CRX: variants seen among roughly 807,000 people sequenced by gnomAD.
CRX encodes the protein cone-rod homeobox, also known as cone-rod homeobox protein.
In CRX, 5 loss-of-function variants were observed where a neutral mutation model predicts 13.1. The observed-to-expected ratio is 0.38, with a 90% CI of 0.20 to 0.80. The LOEUF (loss-of-function observed/expected upper bound fraction) is 0.80, where lower values mean the gene tolerates loss of function less well. CRX is among the 30% of genes least tolerant of loss of function. The pLI is 0.43. For missense variants in CRX, 351 were observed against 391.8 expected (o/e 0.90, Z 0.88); for synonymous variants, 179 against 171.1 (o/e 1.05, Z -0.36).
At chr19:47,833,583 T>C (rs1255938225) in intron 1 of CRX, among the ~76,000 whole-genome samples, 3 of 151,308 alleles carry the variant, frequency 2.0e-5, no homozygotes, top group Non-Finnish European at 4.4e-5. Context: ...TGCCTGGCCC[T>C]TACTGTTGGT....
chr19:47,839,624 T>C lies in CRX; in HGVS notation c.557T>C (p.Leu186Pro), dbSNP rs1968167865. The change falls in exon 4 of 4, where the codon CTG (leucine) becomes CCG (proline). Residue 186 changes from leucine to proline, a missense_variant. Around this residue, in one of 3 missense-constraint regions of CRX, gnomAD observed 253 missense variants for 268.3 expected, o/e 0.94. Coordinates refer to ENST00000221996, the MANE Select transcript of CRX (RefSeq NM_000554.6). The surrounding 1 kb of genome is among the most constrained non-coding windows in gnomAD (Gnocchi z 4.6). ...GGGCTGGTGGCCTCAGGGCCGTCTC[T>C]GACCTCCGCCCCCTATGCCATGACC... The part of the protein sequence containing the change: ...RAGLVASGPS[L>P]TSAPYAMTYA... 6.2e-7 allele frequency: 1 copy of C among 1,613,046 alleles called. No homozygotes were observed. The highest frequency in any genetic ancestry group is 8.5e-7 in the Non-Finnish European group (1 of 1,179,902).
rs748748807 is a variant in CRX, at chr19:47,839,814, C to T, written c.747C>T (p.Ser249=). The part of the protein sequence containing the change: ...GPSVGPSLAQ[S]PTSLSGQSYG... ...CCGTGGGACCTTCCCTGGCCCAGTC[C>T]CCCACCTCCCTATCAGGCCAGAGCT... The change falls in exon 4 of 4, where the codon TCC becomes TCT. Residue 249 remains serine (S), a synonymous_variant. Transcript: ENST00000221996. The surrounding 1 kb of genome is among the most constrained non-coding windows in gnomAD (Gnocchi z 4.6). 6.2e-7 allele frequency: 1 copy of T among 1,614,152 alleles called. No homozygotes were observed. The highest frequency in any genetic ancestry group is 8.5e-7 in the Non-Finnish European group (1 of 1,180,028).
intron 3 of CRX, among the ~76,000 whole-genome samples, chr19:47,836,695 G>A (rs919138515): frequency 2.6e-5 from 4 of 152,138 alleles, no homozygotes; most frequent in Non-Finnish European, 4.4e-5. Context: ...AGGCCCCATC[G>A]CCTTGTTCGA....
At chr19:47,830,705 A>T (rs1181962676) in intron 1 of CRX, among the ~76,000 whole-genome samples, 2 of 151,386 alleles carry the variant, frequency 1.3e-5, no homozygotes, top group Admixed American at 1.3e-4. Context: ...CTGAGGCAGG[A>T]GAATAACTTG....
At position 47,839,791 on chromosome 19, in the gene CRX, G is replaced by A. The variant is rs61748459; in HGVS notation, c.724G>A (p.Val242Met). 8.7e-4 allele frequency: 1,400 copies of A among 1,613,962 alleles called. 15 individuals carry two copies. In the African/African-American group the frequency reaches 0.016, roughly 18 times the overall value. ...TCTTAGCCCCCTCTCTGGCCCCTCC[G>A]TGGGACCTTCCCTGGCCCAGTCCCC... ...PALSPLSGPSVGPSLAQSPTS... is the reference protein window; with the variant it reads ...PALSPLSGPSMGPSLAQSPTS... The change falls in exon 4 of 4, where the codon GTG becomes ATG. Residue 242 changes from valine (V) to methionine (M), a missense_variant. By Grantham distance (21) the Val-to-Met change is conservative. This residue lies in a region of CRX where 253 missense variants were observed against 268.3 expected (regional missense o/e 0.94). Transcript: ENST00000221996. The surrounding 1 kb of genome is among the most constrained non-coding windows in gnomAD (Gnocchi z 4.6).
chr19:47,842,419 T>A lies in CRX; in HGVS notation c.*2452T>A, dbSNP rs1053060976. 2 of 152,038 alleles carry A rather than the reference T, an allele frequency of 1.3e-5. No individual in the cohort carries two copies. The highest frequency in any genetic ancestry group is 4.8e-5 in the African/African-American group (2 of 41,378). The allele number at this position is 152,038 out of a possible 1,614,324, so 9.4% of individuals were successfully genotyped here. A position where few individuals can be genotyped will look rare whatever the true frequency, so the allele number is the denominator to read the frequency against. ...CAACATGGTGAAACCCTGTCTCTAC[T>A]AATAATACAAAAATTAGCCGGGCAT... On this transcript the variant is annotated 3_prime_UTR_variant, in exon 4 of 4. Transcript: ENST00000221996.
In CRX at chr19:47,839,365, C is replaced by T. The variant is rs1171963902; in HGVS notation, c.298C>T (p.Gln100Ter). Reference protein sequence around the residue: ...RRAKCRQQRQQQKQQQQPPGG... With the variant: ...RRAKCRQQRQ The stretch of plus-strand genomic sequence containing the variant: ...GGCTAAATGCAGGCAGCAGCGACAG[C>T]AGCAGAAACAGCAGCAGCAGCCCCC... Residue 100 changes from glutamine (Q) to a stop codon, truncating the protein, a stop_gained, in exon 4 of 4, where the codon CAG becomes TAG. Coordinates refer to ENST00000221996, the MANE Select transcript of CRX (RefSeq NM_000554.6). LOFTEE classifies it low-confidence loss of function (END_TRUNC). This position sits in a 1 kb window ranked among gnomAD's most constrained non-coding sequence, Gnocchi z 4.6. 6.2e-7 allele frequency: 1 copy of T among 1,613,582 alleles called. No individual in the cohort carries two copies.
Position 47,839,272 on chromosome 19 carries a change from G to T in CRX, c.253-48G>T. 1 of 1,588,346 alleles carries T rather than the reference G, an allele frequency of 6.3e-7. No individual in the cohort carries two copies. The highest frequency in any genetic ancestry group is 1.1e-5 in the South Asian group (1 of 87,718). Reference sequence around the variant, plus strand: ...TCCCCGGGCACCCTGCGGCTCTCCTGGGCCTCTTCCCCACTTACCCACCCC... The same window carrying T: ...TCCCCGGGCACCCTGCGGCTCTCCTTGGCCTCTTCCCCACTTACCCACCCC... On this transcript the variant is annotated intron_variant, in intron 3 of 3. Transcript: ENST00000221996. The surrounding 1 kb of genome is among the most constrained non-coding windows in gnomAD (Gnocchi z 4.6).
At chr19:47,823,219 T>A (rs933622194) in intron 1 of CRX, among the ~76,000 whole-genome samples, 21 of 151,978 alleles carry the variant, frequency 1.4e-4, no homozygotes, top group Non-Finnish European at 2.2e-4. Context: ...AGACACACAG[T>A]GAGTGCTCAG....
At chr19:47,829,531 A>G (rs1274234225) in intron 1 of CRX, among the ~76,000 whole-genome samples, 2 of 151,998 alleles carry the variant, frequency 1.3e-5, no homozygotes, top group African/African-American at 4.8e-5. Flanking sequence ...GGGTTTTGCC[A>G]TGTTGGCCAG....
Position 47,842,836 on chromosome 19 carries a change from G to GA in CRX, c.*2871dup, listed in dbSNP as rs1398259496. The GA allele has an allele frequency of 2.0e-5, 3 of 152,440 alleles. No individual in the cohort carries two copies. The highest frequency in any genetic ancestry group is 7.2e-5 in the African/African-American group (3 of 41,566). The allele number at this position is 152,440 out of a possible 1,614,324, so 9.4% of individuals were successfully genotyped here. A position where few individuals can be genotyped will look rare whatever the true frequency, so the allele number is the denominator to read the frequency against. On this transcript the variant is annotated 3_prime_UTR_variant, in exon 4 of 4. Coordinates refer to ENST00000221996, the MANE Select transcript of CRX (RefSeq NM_000554.6). ...GAGGCCGGGACTCAGGCGTGGAAGA[G>GA]AATCTTCTCCTTATTCACCGGGGAG...
At chr19:47,830,605 C>T (rs1968032408) in intron 1 of CRX, among the ~76,000 whole-genome samples, 1 of 151,740 alleles carries the variant, frequency 6.6e-6, no homozygotes, top group Non-Finnish European at 1.5e-5. Context: ...ACCAGCTTGG[C>T]TAACAATGGT....
intron 3 of CRX, among the ~76,000 whole-genome samples, chr19:47,837,685 G>A (rs1968134634): frequency 6.6e-6 from 1 of 152,064 alleles, no homozygotes; most frequent in Non-Finnish European, 1.5e-5. Flanking sequence ...ATGTATGTAT[G>A]ATTAGATAGA....
intron 1 of CRX, among the ~76,000 whole-genome samples, chr19:47,823,274 G>A (rs1022129260): frequency 1.3e-5 from 2 of 152,210 alleles, no homozygotes; most frequent in African/African-American, 4.8e-5. Flanking sequence ...CAGAAGGGTA[G>A]AAGCAGGTAG....
In CRX at chr19:47,840,562, C is replaced by T. The variant is rs111448395; in HGVS notation, c.*595C>T. The T allele has an allele frequency of 1.7e-3, 259 of 153,280 alleles. 1 individual carries two copies. Among genetic ancestry groups the T allele is most frequent in the Non-Finnish European group, 2.9e-3 (203 of 68,840 alleles). 9.5% of individuals were successfully genotyped at this position (153,280 alleles called of 1,614,324 possible). A position where few individuals can be genotyped will look rare whatever the true frequency, so the allele number is the denominator to read the frequency against. On this transcript the variant is annotated 3_prime_UTR_variant, in exon 4 of 4. Coordinates refer to ENST00000221996, the MANE Select transcript of CRX (RefSeq NM_000554.6). ...GACTACAGATGCCCACCACCAGGCC[C>T]GGCTAATTTTTTTTGTATTTTTAGT...
intron 1 of CRX, among the ~76,000 whole-genome samples, chr19:47,833,317 T>C (rs1448958627): frequency 2.0e-5 from 3 of 151,402 alleles, no homozygotes; most frequent in Non-Finnish European, 4.4e-5. Context: ...AGTCTCGCTC[T>C]GTCGCCCAGG....
At chr19:47,835,912 C>T (rs1968111908) in intron 2 of CRX, among the ~76,000 whole-genome samples, 1 of 152,184 alleles carries the variant, frequency 6.6e-6, no homozygotes, top group Non-Finnish European at 1.5e-5. Context: ...TGAGCCACCG[C>T]ACCCAGCCCA....
At chr19:47,825,221 G>T (rs138393852) in intron 1 of CRX, among the ~76,000 whole-genome samples, 2 of 151,850 alleles carry the variant, frequency 1.3e-5, no homozygotes, top group East Asian at 1.9e-4. Flanking sequence ...CAAGTGATCC[G>T]CCTGCTTCAG....
chr19:47,839,428 G>C lies in CRX; in HGVS notation c.361G>C (p.Ala121Pro). ...QAKARPAKRK[A>P]GTSPRPSTDV... Reference sequence around the variant, plus strand: ...CAAGGCCCGGCCTGCCAAGAGGAAGGCGGGCACGTCCCCAAGACCCTCCAC... The same window carrying C: ...CAAGGCCCGGCCTGCCAAGAGGAAGCCGGGCACGTCCCCAAGACCCTCCAC... The change falls in exon 4 of 4, where the codon GCG becomes CCG. Residue 121 changes from alanine to proline, a missense_variant. This residue lies in a region of CRX where 253 missense variants were observed against 268.3 expected (regional missense o/e 0.94). Transcript: ENST00000221996. The surrounding 1 kb of genome is among the most constrained non-coding windows in gnomAD (Gnocchi z 4.6). The C allele has an allele frequency of 6.2e-7, 1 of 1,613,864 alleles. No individual in the cohort carries two copies. Among genetic ancestry groups the C allele is most frequent in the Non-Finnish European group, 8.5e-7 (1 of 1,179,858 alleles).
Sources: allele counts gnomAD v4.1 joint callset (sites outside exome capture counted in the v4.1 genomes callset), GRCh38; gene constraint gnomAD v4.1.1; regional missense constraint gnomAD v4.1.1; non-coding constraint Gnocchi (gnomAD v3.1); transcripts MANE v1.5; gene names NCBI Gene and HGNC (gene_info 2026-07-23, HGNC 2026-07-21).